The following SLC12A3 variants were observed in gnomAD, a reference collection of about 807,000 sequenced individuals.
SLC12A3 encodes the protein solute carrier family 12 member 3.
A neutral mutation model predicts 121.0 loss-of-function variants in SLC12A3; 104 were observed. That is an observed-to-expected ratio of 0.86 (90% CI 0.73 to 1.01). SLC12A3 has a LOEUF of 1.01. SLC12A3 is among the 50% of genes least tolerant of loss of function. The probability of loss-of-function intolerance (pLI) is 0.00; values close to 1 mark genes in which losing one functional copy is unlikely to be tolerated. For missense variants in SLC12A3, 1,328 were observed against 1,356.3 expected (o/e 0.98, Z 0.33); for synonymous variants, 536 against 533.4 (o/e 1.00, Z -0.07).
chr16:56,878,292 G>A, intron 9 of SLC12A3, 131 bp downstream of exon 9: 1 of 719,666 alleles, frequency 1.4e-6, no homozygotes, highest in Non-Finnish European at 2.4e-6. Context: ...GAGCTGGGCT[G>A]GGAGGGTGTG....
At chr16:56,870,976 A>C (rs2055088696) in intron 6 of SLC12A3, among the ~76,000 whole-genome samples, 1 of 151,916 alleles carries the variant, frequency 6.6e-6, no homozygotes, top group African/African-American at 2.4e-5. Flanking sequence ...CTGGGATTAC[A>C]GGCACCTGCC....
chr16:56,899,635 C>T lies in SLC12A3; in HGVS notation c.2720+19C>T. 1 of 1,590,324 alleles carries T rather than the reference C, an allele frequency of 6.3e-7. No homozygotes were observed. Among genetic ancestry groups the T allele is most frequent in the Non-Finnish European group, 8.6e-7 (1 of 1,158,158 alleles). On this transcript the variant is annotated intron_variant, in intron 23 of 25. Transcript: ENST00000563236. The stretch of plus-strand genomic sequence containing the variant: ...CTGAGCAGTAAGTTCTGTTTTGGGG[C>T]TTCCAGGCAGAAGGGCCAACTGTGT...
chr16:56,890,197 T>C lies in SLC12A3; in HGVS notation c.2286-77T>C. The C allele has an allele frequency of 2.8e-6, 3 of 1,058,488 alleles. No individual in the cohort carries two copies. The Admixed American group carries it at 5.1e-5, about 18-fold the overall frequency. 65.6% of individuals were successfully genotyped at this position (1,058,488 alleles called of 1,614,324 possible). On this transcript the variant is annotated intron_variant, in intron 18 of 25. Transcript: ENST00000563236. ...TAGGAAGCAGAGCCAACTCTAGATA[T>C]CTGGTCTCCTGGGTGCCAGGTCACC... is the stretch of plus-strand genomic sequence containing the variant.
At chr16:56,892,338 G>A (rs2055400158) in intron 20 of SLC12A3, among the ~76,000 whole-genome samples, 1 of 152,210 alleles carries the variant, frequency 6.6e-6, no homozygotes, top group African/African-American at 2.4e-5. Flanking sequence ...GCCAGGCGCA[G>A]TGGCTCATGC....
chr16:56,889,383 C>G (rs1246166844), intron 18 of SLC12A3, among the ~76,000 whole-genome samples: 2 of 152,186 alleles, frequency 1.3e-5, no homozygotes, highest in Non-Finnish European at 2.9e-5. Context: ...GCCCATTGGC[C>G]CAAACCCCAG....
chr16:56,885,496 A>G, intron 15 of SLC12A3, 132 bp downstream of exon 15: 1 of 713,992 alleles, frequency 1.4e-6, no homozygotes, highest in Middle Eastern at 3.5e-4. Flanking sequence ...TCAGAGAGGG[A>G]ACAGACATGG....
chr16:56,897,943 C>T (rs1213962468), intron 22 of SLC12A3, among the ~76,000 whole-genome samples: 1 of 152,264 alleles, frequency 6.6e-6, no homozygotes. Flanking sequence ...GATCAGGGAC[C>T]AGCAACGGCT....
At chr16:56,893,846 C>A (rs12445576) in intron 21 of SLC12A3, among the ~76,000 whole-genome samples, 33,549 of 152,040 alleles carry the variant, frequency 0.22, 3,946 homozygotes, top group African/African-American at 0.31. Flanking sequence ...GGCATGATGT[C>A]GGCTCACTGC....
In SLC12A3 at chr16:56,868,339, C is replaced by T. The variant is rs1041531529; in HGVS notation, c.472C>T (p.Arg158Trp). ...LNIWGVILYLRLPWITAQAGI... is the reference protein window; with the variant it reads ...LNIWGVILYLWLPWITAQAGI... ...CATTTGGGGCGTGATCCTCTACCTG[C>T]GGCTGCCCTGGATTACGGCCCAGGC... is the stretch of plus-strand genomic sequence containing the variant. Residue 158 changes from arginine (R) to tryptophan (W), a missense_variant, in exon 3 of 26, where the codon CGG (arginine) becomes TGG (tryptophan). By Grantham distance (101) the Arg-to-Trp change is moderately radical. Coordinates refer to ENST00000563236, the MANE Select transcript of SLC12A3 (RefSeq NM_001126108.2). 9 of 1,613,810 alleles carry T rather than the reference C, an allele frequency of 5.6e-6. No individual in the cohort carries two copies. The highest frequency in any genetic ancestry group is 6.8e-6 in the Non-Finnish European group (8 of 1,179,980).
intron 23 of SLC12A3, 62 bp from the exon 24 acceptor site, chr16:56,902,311 C>T (rs942357016): frequency 1.2e-6 from 2 of 1,610,892 alleles, no homozygotes; most frequent in Admixed American, 1.7e-5. Context: ...CCGCAGGGAC[C>T]TGGCACCCCT....
At chr16:56,881,875 C>G (rs759294970) in intron 12 of SLC12A3, among the ~76,000 whole-genome samples, 16 of 151,888 alleles carry the variant, frequency 1.1e-4, no homozygotes, top group Non-Finnish European at 1.8e-4. Flanking sequence ...ATGGTGAAAC[C>G]CTGTTTCTAC....
chr16:56,912,139 T>A (rs566472714), intron 25 of SLC12A3, among the ~76,000 whole-genome samples: 1 of 152,172 alleles, frequency 6.6e-6, no homozygotes, highest in Non-Finnish European at 1.5e-5. Context: ...CCCAGGGGGA[T>A]GTACTTGGGG....
chr16:56,880,054 T>A, intron 11 of SLC12A3, 76 bp from the exon 12 acceptor site: 1 of 1,576,710 alleles, frequency 6.3e-7, no homozygotes, highest in Non-Finnish European at 8.6e-7. Flanking sequence ...GAGCCGGGGC[T>A]GGAGCTCAGG....
At chr16:56,870,589 AG>A (rs1464569224) in intron 5 of SLC12A3, 36 bp from the exon 6 acceptor site, 2 of 1,355,408 alleles carry the variant, frequency 1.5e-6, no homozygotes, top group Non-Finnish European at 2.1e-6. Flanking sequence ...GGGAATTCAG[AG>A]GGTGGCTTGC....
Position 56,913,569 on chromosome 16 carries a change from C to A in SLC12A3, c.*164C>A. 1.3e-6 allele frequency: 1 copy of A among 753,186 alleles called. No individual in the cohort carries two copies. The highest frequency in any genetic ancestry group is 2.3e-6 in the Non-Finnish European group (1 of 426,054). 46.7% of individuals were successfully genotyped at this position (753,186 alleles called of 1,614,324 possible). A position where few individuals can be genotyped will look rare whatever the true frequency, so the allele number is the denominator to read the frequency against. ...TGGTAGATTTCCAAATCTGGCTGGA[C>A]TCCACTTCCATGGGACACATTCCCT... is the stretch of plus-strand genomic sequence containing the variant. On this transcript the variant is annotated 3_prime_UTR_variant, in exon 26 of 26. Transcript: ENST00000563236.
In SLC12A3 at chr16:56,879,596, G is replaced by C. The variant is rs201945662; in HGVS notation, c.1390G>C (p.Ala464Pro). 3 of 1,613,634 alleles carry C rather than the reference G, an allele frequency of 1.9e-6. No homozygotes were observed. Among genetic ancestry groups the C allele is most frequent in the Non-Finnish European group, 2.5e-6 (3 of 1,180,010 alleles). ...CCTGATCACGGCTGGCATCTTCGGG[G>C]CCACCCTCTCCTCTGCCCTGGCCTG... ...APLITAGIFG[A>P]TLSSALACLV... is the part of the protein sequence containing the mutation. The change falls in exon 11 of 26, where the codon GCC becomes CCC. Residue 464 changes from alanine to proline, a missense_variant. Ala to Pro is a conservative substitution (Grantham distance 27). Coordinates refer to ENST00000563236, the MANE Select transcript of SLC12A3 (RefSeq NM_001126108.2).
chr16:56,878,125 A>G lies in SLC12A3; in HGVS notation c.1144A>G (p.Thr382Ala). ...GGGGACCCTCATGGCCATTTTCTGG[A>G]CGACCATTTCCTACCTGGCCATCTC... is the stretch of plus-strand genomic sequence containing the variant. ...PKGTLMAIFW[T>A]TISYLAISAT... The change falls in exon 9 of 26, where the codon ACG (threonine) becomes GCG (alanine). Residue 382 changes from threonine to alanine, a missense_variant. Physicochemically the swap from Thr to Ala is moderately conservative, Grantham distance 58. Transcript: ENST00000563236. The G allele has an allele frequency of 6.3e-7, 1 of 1,582,116 alleles. No individual in the cohort carries two copies. Among genetic ancestry groups the G allele is most frequent in the South Asian group, 1.1e-5 (1 of 90,560 alleles).
chr16:56,874,902 G>T (rs1366981622), intron 8 of SLC12A3, among the ~76,000 whole-genome samples: 2 of 152,214 alleles, frequency 1.3e-5, no homozygotes, highest in African/African-American at 4.8e-5. Context: ...GTTGGGCAGG[G>T]CCTGGAAATT....
chr16:56,895,253 G>T (rs8061305), intron 22 of SLC12A3, among the ~76,000 whole-genome samples: 7 of 143,022 alleles, frequency 4.9e-5, no homozygotes, highest in Non-Finnish European at 9.0e-5. Context: ...GTGCAGTGAC[G>T]CAATCTCGGC....
Sources: allele counts gnomAD v4.1 joint callset (sites outside exome capture counted in the v4.1 genomes callset), GRCh38; gene constraint gnomAD v4.1.1; transcripts MANE v1.5; gene names NCBI Gene and HGNC (gene_info 2026-07-23, HGNC 2026-07-21).